Variants in NELL1 observed in about 807,000 individuals in gnomAD.
NELL1 encodes the protein neural EGFL like 1.
NELL1 carries 76 observed loss-of-function variants against 107.4 expected under a neutral mutation model. The observed-to-expected ratio is 0.71, with a 90% CI of 0.59 to 0.86. NELL1 has a LOEUF of 0.86. NELL1 is among the 40% of genes least tolerant of loss of function. The pLI, the probability that NELL1 is intolerant of heterozygous loss-of-function variation, is 0.00. For synonymous variants in NELL1, 353 were observed against 341.2 expected, an observed-to-expected ratio of 1.03 and a Z score of -0.38; for missense variants, 1,024 against 1,005.5, an observed-to-expected ratio of 1.02 and a Z score of -0.25.
intron 12 of NELL1, among the ~76,000 whole-genome samples, chr11:21,034,983 C>G (rs1343741298): frequency 6.6e-6 from 1 of 152,044 alleles, no homozygotes; most frequent in Non-Finnish European, 1.5e-5. Flanking sequence ...GGAAAATAGA[C>G]TGCTAGCTAG....
At chr11:20,988,677 G>A (rs569090497) in intron 12 of NELL1, among the ~76,000 whole-genome samples, 4 of 150,998 alleles carry the variant, frequency 2.6e-5, no homozygotes, top group East Asian at 2.0e-4. Flanking sequence ...TGCAAGCTCC[G>A]CCTCCCGGGT....
intron 13 of NELL1, among the ~76,000 whole-genome samples, chr11:21,199,971 T>G (rs1472045185): frequency 6.6e-6 from 1 of 152,200 alleles, no homozygotes; most frequent in African/African-American, 2.4e-5. Context: ...GCAAATGACG[T>G]GAACCCATCC....
At chr11:20,996,059 G>A (rs1590516676) in intron 12 of NELL1, among the ~76,000 whole-genome samples, 1 of 152,304 alleles carries the variant, frequency 6.6e-6, no homozygotes, top group Non-Finnish European at 1.5e-5. Flanking sequence ...TTATTACCCT[G>A]CCATTTAATG....
chr11:20,927,475 C>T, intron 8 of NELL1, 33 bp downstream of exon 8: 2 of 1,593,720 alleles, frequency 1.3e-6, no homozygotes, highest in East Asian at 2.2e-5. Flanking sequence ...ACAGTAAAAA[C>T]AGTTTTAAGG....
At chr11:21,296,314 C>A (rs1053025151) in intron 14 of NELL1, among the ~76,000 whole-genome samples, 64 of 151,848 alleles carry the variant, frequency 4.2e-4, no homozygotes, top group Non-Finnish European at 3.4e-4. Context: ...GACCAAAAAA[C>A]CCCCTCTCAA....
intron 16 of NELL1, among the ~76,000 whole-genome samples, chr11:21,550,577 G>A (rs1856554829): frequency 6.6e-6 from 1 of 151,884 alleles, no homozygotes; most frequent in Non-Finnish European, 1.5e-5. Context: ...AGTTTTCCCA[G>A]CACCATTTAT....
At chr11:21,198,661 C>G (rs2133845080) in intron 13 of NELL1, among the ~76,000 whole-genome samples, 1 of 152,304 alleles carries the variant, frequency 6.6e-6, no homozygotes, top group South Asian at 2.1e-4. Flanking sequence ...ATTTCCATCC[C>G]ATGTTTCACT....
chr11:21,080,376 T>C (rs1854237226), intron 12 of NELL1, among the ~76,000 whole-genome samples: 1 of 152,100 alleles, frequency 6.6e-6, no homozygotes, highest in African/African-American at 2.4e-5. Flanking sequence ...GGCATGAATA[T>C]TCGGAAAATA....
intron 14 of NELL1, among the ~76,000 whole-genome samples, chr11:21,290,749 G>A (rs993103420): frequency 6.6e-6 from 1 of 152,232 alleles, no homozygotes; most frequent in African/African-American, 2.4e-5. Context: ...CTGCTGCAGA[G>A]GGGCCTGACT....
chr11:21,358,487 C>T (rs1015036448), intron 14 of NELL1, among the ~76,000 whole-genome samples: 1 of 151,604 alleles, frequency 6.6e-6, no homozygotes, highest in Admixed American at 6.6e-5. Flanking sequence ...GCAACCTCTG[C>T]TCCCAGGTTC....
At chr11:21,331,374 G>A (rs4356225) in intron 14 of NELL1, among the ~76,000 whole-genome samples, 152,121 of 152,130 alleles carry the variant, frequency 1, 76,056 homozygotes, top group Non-Finnish European at 1. Flanking sequence ...TCTTTTATTT[G>A]TTTGCATGCT....
chr11:21,354,898 C>T (rs141130537), intron 14 of NELL1, among the ~76,000 whole-genome samples: 153 of 152,272 alleles, frequency 1.0e-3, no homozygotes, highest in Non-Finnish European at 1.8e-3. Flanking sequence ...TAAGCGTTGG[C>T]TCTGATATAG....
intron 2 of NELL1, among the ~76,000 whole-genome samples, chr11:20,704,117 C>T (rs1854874553): frequency 6.6e-6 from 1 of 152,062 alleles, no homozygotes; most frequent in African/African-American, 2.4e-5. Context: ...TAATGTCTCC[C>T]ATTATTATTG....
chr11:20,865,333 G>A (rs1849075273), intron 4 of NELL1, among the ~76,000 whole-genome samples: 1 of 152,224 alleles, frequency 6.6e-6, no homozygotes, highest in Admixed American at 6.5e-5. Context: ...AAAATCACTA[G>A]GATTAACCAA....
chr11:20,759,006 C>T (rs1041808147), intron 2 of NELL1, among the ~76,000 whole-genome samples: 2 of 152,266 alleles, frequency 1.3e-5, no homozygotes, highest in East Asian at 1.9e-4. Context: ...CCATATACCA[C>T]GAAAATCTGT....
At chr11:21,204,422 G>A (rs1565109667) in intron 13 of NELL1, among the ~76,000 whole-genome samples, 1 of 151,580 alleles carries the variant, frequency 6.6e-6, no homozygotes, top group East Asian at 2.0e-4. Flanking sequence ...ACCAATGTAT[G>A]CTTCAGGATG....
intron 15 of NELL1, among the ~76,000 whole-genome samples, chr11:21,528,999 A>AAT (rs1197190821): frequency 6.6e-6 from 1 of 151,918 alleles, no homozygotes; most frequent in Non-Finnish European, 1.5e-5. Flanking sequence ...TGAATATGGA[A>AAT]AAGGGTCTCT....
At chr11:20,949,738 G>A (rs1169451759) in intron 11 of NELL1, among the ~76,000 whole-genome samples, 1 of 152,152 alleles carries the variant, frequency 6.6e-6, no homozygotes. Context: ...TTGACAAGAA[G>A]CAGACATACA....
At chr11:20,914,745 C>G (rs1564964290) in intron 5 of NELL1, among the ~76,000 whole-genome samples, 1 of 151,924 alleles carries the variant, frequency 6.6e-6, no homozygotes, top group African/African-American at 2.4e-5. Flanking sequence ...TAGTATATAG[C>G]CTAGGATTAA....
Sources: gnomAD v4.1 joint callset for allele counts (sites outside exome capture counted in the v4.1 genomes callset) on GRCh38, gnomAD v4.1.1 for gene constraint, MANE v1.5 for transcripts, NCBI Gene and HGNC (gene_info 2026-07-23, HGNC 2026-07-21) for gene names.